The following ZBTB38 variants were observed in gnomAD, a reference collection of about 807,000 sequenced individuals.
ZBTB38 encodes zinc finger and BTB domain-containing protein 38.
ZBTB38 carries 20 observed loss-of-function variants against 76.8 expected under a neutral mutation model. That is an observed-to-expected ratio of 0.26 (90% CI 0.18 to 0.38). ZBTB38 has a LOEUF of 0.38. Ranked by LOEUF, ZBTB38 falls within the 10% of genes least tolerant of loss-of-function variation. The pLI is 1.00. For synonymous variants in ZBTB38, 504 were observed against 544.2 expected (o/e 0.93, Z 1.03); for missense variants, 1,082 against 1,482.3 (o/e 0.73, Z 4.43).
intron 4 of ZBTB38, among the ~76,000 whole-genome samples, chr3:141,393,719 C>T: frequency 6.6e-6 from 1 of 152,214 alleles, no homozygotes; most frequent in African/African-American, 2.4e-5. Flanking sequence ...AAAGGAGATG[C>T]CGCTCTGCTG....
At chr3:141,402,155 G>GGTCGGGC (rs1952246716) in intron 4 of ZBTB38, among the ~76,000 whole-genome samples, 1 of 152,180 alleles carries the variant, frequency 6.6e-6, no homozygotes, top group Non-Finnish European at 1.5e-5. Flanking sequence ...CTGGCCACTG[G>GGTCGGGC]GTCGGGCATG....
chr3:141,326,722 G>A (rs78823519), intron 1 of ZBTB38, among the ~76,000 whole-genome samples: 2,154 of 152,212 alleles, frequency 0.014, 59 homozygotes, highest in African/African-American at 0.05. Context: ...ACAAAGTGTT[G>A]TTTTTGGAAC....
intron 4 of ZBTB38, chr3:141,387,645 T>C (rs1242887251): frequency 6.6e-6 from 1 of 152,250 alleles, no homozygotes; most frequent in Non-Finnish European, 1.5e-5. Flanking sequence ...ACCTCCTTGG[T>C]TGCAGTCTCA....
intron 1 of ZBTB38, among the ~76,000 whole-genome samples, chr3:141,334,441 C>T (rs200763646): frequency 1.4e-4 from 10 of 73,854 alleles, no homozygotes; most frequent in African/African-American, 3.5e-4. Context: ...TCCTTCCTTC[C>T]TTCTTTCCTT....
chr3:141,334,409 C>T (rs777497380), intron 1 of ZBTB38, among the ~76,000 whole-genome samples: 14 of 72,180 alleles, frequency 1.9e-4, no homozygotes, highest in Non-Finnish European at 3.2e-4. Flanking sequence ...TCCTTCTTTC[C>T]TTCCTTCCTT....
intron 5 of ZBTB38, among the ~76,000 whole-genome samples, chr3:141,436,559 G>A (rs532731216): frequency 5.3e-5 from 8 of 152,248 alleles, no homozygotes; most frequent in South Asian, 2.1e-4. Context: ...ATGCAGTGGC[G>A]TGATCTCGGC....
intron 5 of ZBTB38, among the ~76,000 whole-genome samples, chr3:141,435,634 C>T (rs1474386907): frequency 6.6e-6 from 1 of 152,012 alleles, no homozygotes; most frequent in East Asian, 1.9e-4. Context: ...GTGGCACACA[C>T]CTGTAATCCC....
chr3:141,358,498 G>A (rs1943727765), intron 1 of ZBTB38, among the ~76,000 whole-genome samples: 1 of 152,202 alleles, frequency 6.6e-6, no homozygotes, highest in African/African-American at 2.4e-5. Context: ...TTATTTTCTA[G>A]ATAATAGATC....
chr3:141,370,582 T>C (rs1944400972), intron 2 of ZBTB38, among the ~76,000 whole-genome samples: 1 of 152,356 alleles, frequency 6.6e-6, no homozygotes, highest in Non-Finnish European at 1.5e-5. Flanking sequence ...TAAACAATTA[T>C]CCACATTTAG....
chr3:141,380,053 A>T (rs1945970215), intron 2 of ZBTB38, among the ~76,000 whole-genome samples: 1 of 152,172 alleles, frequency 6.6e-6, no homozygotes, highest in African/African-American at 2.4e-5. Flanking sequence ...TTTTTAATTG[A>T]GTCAGTGTGT....
rs2080720003 is a variant in ZBTB38 at position 141,443,787 on chromosome 3, C to T, written c.1399C>T (p.Arg467Cys). ...QMLYSCVVCK[R>C]SYVTLSSLRR... ...GCTCTACAGTTGCGTTGTGTGCAAA[C>T]GTAGTTATGTGACCTTATCTAGCCT... Residue 467 changes from arginine (R) to cysteine (C), a missense_variant, in exon 6 of 6, where the codon CGT becomes TGT. Physicochemically the swap from Arg to Cys is radical, Grantham distance 180. This residue lies in a region of ZBTB38 where 60 missense variants were observed against 126.0 expected (regional missense o/e 0.48). Transcript: ENST00000321464. This position sits in a 1 kb window ranked among gnomAD's most constrained non-coding sequence, Gnocchi z 5.6. The T allele has an allele frequency of 1.9e-6, 3 of 1,613,868 alleles. No individual in the cohort carries two copies. The highest frequency in any genetic ancestry group is 2.5e-6 in the Non-Finnish European group (3 of 1,180,030).
intron 1 of ZBTB38, among the ~76,000 whole-genome samples, chr3:141,350,931 GA>G (rs901562280): frequency 6.6e-5 from 10 of 152,198 alleles, no homozygotes; most frequent in Non-Finnish European, 1.3e-4. Context: ...TCTACCAGAA[GA>G]AATGTCTGAA....
At chr3:141,379,870 C>T (rs1450021598) in intron 2 of ZBTB38, among the ~76,000 whole-genome samples, 1 of 152,198 alleles carries the variant, frequency 6.6e-6, no homozygotes, top group East Asian at 1.9e-4. Flanking sequence ...CCAACATTGA[C>T]TATTTTGCTT....
intron 5 of ZBTB38, among the ~76,000 whole-genome samples, chr3:141,415,460 A>G (rs770771287): frequency 6.6e-6 from 1 of 152,172 alleles, no homozygotes; most frequent in Admixed American, 6.5e-5. Context: ...TCAGACTGGC[A>G]GCATGGACAT....
intron 5 of ZBTB38, among the ~76,000 whole-genome samples, chr3:141,416,554 T>G (rs1338533712): frequency 6.6e-6 from 1 of 152,158 alleles, no homozygotes; most frequent in Non-Finnish European, 1.5e-5. Context: ...CCTCTCACAT[T>G]CATTCATGTG....
intron 4 of ZBTB38, chr3:141,394,220 G>A (rs1459013833): frequency 6.6e-6 from 1 of 152,080 alleles, no homozygotes; most frequent in East Asian, 1.9e-4. Context: ...GTTTCACCAT[G>A]TTGGCCAGGA....
chr3:141,350,883 C>T (rs947933751), intron 1 of ZBTB38, among the ~76,000 whole-genome samples: 1 of 152,124 alleles, frequency 6.6e-6, no homozygotes, highest in East Asian at 1.9e-4. Flanking sequence ...ACAGCATGCG[C>T]TAGCAATATA....
chr3:141,444,536 C>G lies in ZBTB38; in HGVS notation c.2148C>G (p.Val716=). Residue 716 remains valine, a synonymous_variant, in exon 6 of 6, where the codon GTC becomes GTG. Transcript: ENST00000321464. The surrounding 1 kb of genome is among the most constrained non-coding windows in gnomAD (Gnocchi z 5.1). The part of the protein sequence containing the change: ...VISYSGSAPS[V]IVHSSQFSSV... The stretch of plus-strand genomic sequence containing the variant: ...GCTACAGTGGCTCTGCACCCTCGGT[C>G]ATTGTACACAGCAGCCAGTTTTCAT... 1 of 1,614,150 alleles carries G rather than the reference C, an allele frequency of 6.2e-7. No individual in the cohort carries two copies. The highest frequency in any genetic ancestry group is 8.5e-7 in the Non-Finnish European group (1 of 1,180,044).
upstream of ZBTB38, chr3:141,366,812 T>A (rs1943986992): frequency 6.6e-6 from 1 of 152,162 alleles, no homozygotes; most frequent in Admixed American, 6.5e-5. Flanking sequence ...ATGAGACATT[T>A]ACTCTAAGAG....
Sources: allele counts gnomAD v4.1 joint callset (sites outside exome capture counted in the v4.1 genomes callset), GRCh38; gene constraint gnomAD v4.1.1; regional missense constraint gnomAD v4.1.1; non-coding constraint Gnocchi (gnomAD v3.1); transcripts MANE v1.5; gene names NCBI Gene and HGNC (gene_info 2026-07-23, HGNC 2026-07-21).